KPNA1: variants seen among roughly 807,000 people sequenced by gnomAD.
KPNA1 encodes importin subunit alpha-5.
Under a neutral mutation model 70.5 loss-of-function variants are expected in KPNA1, and 10 were observed. That is an observed-to-expected ratio of 0.14 (90% CI 0.09 to 0.24). The LOEUF (loss-of-function observed/expected upper bound fraction) is 0.24, where lower values mean the gene tolerates loss of function less well. KPNA1 is among the 10% of genes least tolerant of loss of function. The pLI is 1.00. For synonymous variants in KPNA1, 192 were observed against 221.9 expected, an observed-to-expected ratio of 0.87 and a Z score of 1.20; for missense variants, 397 against 637.9, an observed-to-expected ratio of 0.62 and a Z score of 4.07.
At chr3:122,487,372 T>C (rs1423855352) in intron 2 of KPNA1, among the ~76,000 whole-genome samples, 1 of 152,182 alleles carries the variant, frequency 6.6e-6, no homozygotes, top group Non-Finnish European at 1.5e-5. Context: ...ATATTAAAAA[T>C]GAAATTATCA....
At chr3:122,461,928 T>G (rs1359839167) in intron 4 of KPNA1, among the ~76,000 whole-genome samples, 1 of 152,192 alleles carries the variant, frequency 6.6e-6, no homozygotes, top group Admixed American at 6.5e-5. Flanking sequence ...AGCCAGAGAC[T>G]GACAAAGTTA....
intron 2 of KPNA1, among the ~76,000 whole-genome samples, chr3:122,494,623 TG>T (rs1321996495): frequency 6.6e-6 from 1 of 152,212 alleles, no homozygotes; most frequent in African/African-American, 2.4e-5. Context: ...GGCTCTTTTT[TG>T]GTTCTGTATG....
At chr3:122,501,293 T>C (rs1465222178) in intron 1 of KPNA1, among the ~76,000 whole-genome samples, 2 of 152,196 alleles carry the variant, frequency 1.3e-5, no homozygotes, top group Non-Finnish European at 2.9e-5. Flanking sequence ...CCTGAAGTGC[T>C]GGGATTACAG....
intron 2 of KPNA1, among the ~76,000 whole-genome samples, chr3:122,476,861 C>CAAAAAA (rs144118691): frequency 2.7e-4 from 18 of 65,498 alleles, no homozygotes; most frequent in African/African-American, 6.9e-4. Flanking sequence ...GGAGGTTCCA[C>CAAAAAA]AAAAAAAAAA....
intron 2 of KPNA1, among the ~76,000 whole-genome samples, chr3:122,472,139 A>G (rs1469904350): frequency 6.6e-6 from 1 of 152,200 alleles, no homozygotes; most frequent in Admixed American, 6.5e-5. Flanking sequence ...AACAGAATAC[A>G]CATTTTTACA....
Position 122,424,655 on chromosome 3 carries a change from C to T in KPNA1, c.*2330G>A, listed in dbSNP as rs2075798941. ...ATTCCGAATGTCTGAATGCACACTA[C>T]TCTTCCTAATGTGGGGAGACAACTG... On this transcript the variant is annotated 3_prime_UTR_variant, in exon 14 of 14. Coordinates refer to ENST00000344337, the MANE Select transcript of KPNA1 (RefSeq NM_002264.4). The T allele has an allele frequency of 6.5e-6, 1 of 152,772 alleles. No individual in the cohort carries two copies. The highest frequency in any genetic ancestry group is 1.9e-4 in the East Asian group (1 of 5,192). 9.5% of individuals were successfully genotyped at this position (152,772 alleles called of 1,614,324 possible).
intron 1 of KPNA1, among the ~76,000 whole-genome samples, chr3:122,500,680 TA>T (rs925407052): frequency 2.6e-5 from 4 of 151,762 alleles, no homozygotes; most frequent in East Asian, 1.9e-4. Flanking sequence ...GCTGGGGGGC[TA>T]GGGGGATAGA....
chr3:122,462,383 G>T lies in KPNA1; in HGVS notation c.338-1065C>A, dbSNP rs149188815. Among the ~76,000 whole-genome samples, 387 of 152,144 alleles carry T rather than the reference G, an allele frequency of 2.5e-3. 2 individuals are homozygous for T. The highest frequency in any genetic ancestry group is 9.1e-3 in the African/African-American group (379 of 41,508). Reference sequence around the variant, plus strand: ...TGAAAATTCAATAAAATATTACTATGCCATGACTATCAAAATAACTAGCTA... The same window carrying T: ...TGAAAATTCAATAAAATATTACTATTCCATGACTATCAAAATAACTAGCTA... On this transcript the variant is annotated intron_variant, in intron 4 of 13. Transcript: ENST00000344337.
At chr3:122,489,883 C>T (rs2076677799) in intron 2 of KPNA1, among the ~76,000 whole-genome samples, 1 of 152,124 alleles carries the variant, frequency 6.6e-6, no homozygotes, top group African/African-American at 2.4e-5. Context: ...ACCTTGTTTT[C>T]ATTTGTCAGG....
At chr3:122,474,117 A>G (rs1286075416) in intron 2 of KPNA1, among the ~76,000 whole-genome samples, 3 of 152,170 alleles carry the variant, frequency 2.0e-5, no homozygotes, top group Admixed American at 6.5e-5. Flanking sequence ...TCCCCAAAAA[A>G]CAGAATACTT....
chr3:122,472,340 A>G (rs970800988), intron 2 of KPNA1, among the ~76,000 whole-genome samples: 6 of 152,210 alleles, frequency 3.9e-5, no homozygotes, highest in Admixed American at 6.5e-5. Flanking sequence ...CTAATAACAC[A>G]TAGGTCAAAA....
At chr3:122,478,331 A>G (rs2076528707) in intron 2 of KPNA1, among the ~76,000 whole-genome samples, 1 of 152,058 alleles carries the variant, frequency 6.6e-6, no homozygotes. Flanking sequence ...TAAATGTAAT[A>G]AAAAACTAGG....
chr3:122,434,820 A>G (rs1159370591), intron 11 of KPNA1, among the ~76,000 whole-genome samples: 1 of 152,206 alleles, frequency 6.6e-6, no homozygotes, highest in Non-Finnish European at 1.5e-5. Context: ...TTCCTACATT[A>G]AGAAACTGAG....
chr3:122,486,458 T>G (rs1335449701), intron 2 of KPNA1, among the ~76,000 whole-genome samples: 2 of 152,214 alleles, frequency 1.3e-5, no homozygotes, highest in East Asian at 1.9e-4. Flanking sequence ...AAAAATGTAC[T>G]AAAAAGGTGC....
At chr3:122,481,993 A>C (rs1283183831) in intron 2 of KPNA1, among the ~76,000 whole-genome samples, 1 of 152,232 alleles carries the variant, frequency 6.6e-6, no homozygotes, top group Non-Finnish European at 1.5e-5. Flanking sequence ...AAGAACATAC[A>C]TAGAAATAAA....
At chr3:122,456,932 G>A (rs2076271022) in intron 5 of KPNA1, among the ~76,000 whole-genome samples, 1 of 152,106 alleles carries the variant, frequency 6.6e-6, no homozygotes, top group Non-Finnish European at 1.5e-5. Flanking sequence ...TTACTTTGCT[G>A]TTTTCACTTT....
chr3:122,478,894 C>CAAAA (rs57843662), intron 2 of KPNA1, among the ~76,000 whole-genome samples: 1,183 of 18,686 alleles, frequency 0.063, 192 homozygotes, highest in Non-Finnish European at 0.083. Flanking sequence ...AACCTCGTCT[C>CAAAA]AAAAAAAAAA....
Position 122,461,547 on chromosome 3 carries a change from T to A in KPNA1, c.338-229A>T, listed in dbSNP as rs1158990464. Among the ~76,000 whole-genome samples, 5 of 152,130 alleles carry A rather than the reference T, an allele frequency of 3.3e-5. No individual in the cohort carries two copies. In the East Asian group the frequency reaches 9.6e-4, roughly 29 times the overall value. On this transcript the variant is annotated intron_variant, in intron 4 of 13. Coordinates refer to ENST00000344337, the MANE Select transcript of KPNA1 (RefSeq NM_002264.4). ...TATGAGAATAAAGGATGGGAAAAAT[T>A]CTTAAAAATTAAATTACTGCCTCCA...
At position 122,439,474 on chromosome 3, in the gene KPNA1, G is replaced by A. The variant is rs2076035061; in HGVS notation, c.997-2179C>T. Among the ~76,000 whole-genome samples, 3 of 151,628 alleles carry A rather than the reference G, an allele frequency of 2.0e-5. No individual in the cohort carries two copies. The South Asian group carries it at 6.3e-4, about 32-fold the overall frequency. ...CAAAAAGCTAGGAATACAAGCATGA[G>A]CCAGCATACCTGGCCATGATGAGGC... On this transcript the variant is annotated intron_variant, in intron 10 of 13. Transcript: ENST00000344337.
Sources: gnomAD v4.1 joint callset for allele counts (sites outside exome capture counted in the v4.1 genomes callset) on GRCh38, gnomAD v4.1.1 for gene constraint, MANE v1.5 for transcripts, NCBI Gene and HGNC (gene_info 2026-07-23, HGNC 2026-07-21) for gene names.